Variants in DMD observed in about 807,000 individuals in gnomAD.
The protein encoded by DMD is mutant dystrophin.
A neutral mutation model predicts 330.1 loss-of-function variants in DMD; 63 were observed. The ratio of observed to expected loss-of-function variants is 0.19; its 90% CI spans 0.16 to 0.24. The LOEUF is 0.24. Ranked by LOEUF, DMD falls within the 10% of genes least tolerant of loss-of-function variation. The pLI, the probability that DMD is intolerant of heterozygous loss-of-function variation, is 1.00. For synonymous variants in DMD, 1,223 were observed against 959.8 expected, an observed-to-expected ratio of 1.27 and a Z score of -5.07; for missense variants, 3,344 against 2,684.1, an observed-to-expected ratio of 1.25 and a Z score of -5.43.
chrX:33,100,112 C>T (rs2095222330), intron 1 of DMD, among the ~76,000 whole-genome samples: 1 of 111,589 alleles, frequency 9.0e-6, no homozygotes, highest in Non-Finnish European at 1.9e-5. Flanking sequence ...GAGATGCTGG[C>T]CCAATCCAAA....
intron 53 of DMD, among the ~76,000 whole-genome samples, chrX:31,661,352 A>G (rs2081113120): frequency 9.3e-6 from 1 of 107,079 alleles, no homozygotes; most frequent in African/African-American, 3.7e-5. Flanking sequence ...AGGTTCTCAA[A>G]GGTAGCCTTT....
At chrX:32,410,771 T>TA (rs2098138404) in intron 30 of DMD, among the ~76,000 whole-genome samples, 1 of 112,300 alleles carries the variant, frequency 8.9e-6, no homozygotes, top group Non-Finnish European at 1.9e-5. Context: ...AAATGTTAAT[T>TA]AAAAAATGAG....
At chrX:31,732,637 T>C (rs933832245) in intron 51 of DMD, among the ~76,000 whole-genome samples, 7 of 111,019 alleles carry the variant, frequency 6.3e-5, no homozygotes, top group Non-Finnish European at 9.5e-5. Flanking sequence ...CACCCACAGA[T>C]GAGAAAACAC....
intron 63 of DMD, among the ~76,000 whole-genome samples, chrX:31,234,602 G>A (rs1010574270): frequency 9.0e-6 from 1 of 111,684 alleles, no homozygotes; most frequent in East Asian, 2.8e-4. Context: ...AAGCCCAGGG[G>A]TTAAAGATTC....
intron 1 of DMD, among the ~76,000 whole-genome samples, chrX:33,257,788 T>C (rs754706312): frequency 9.0e-6 from 1 of 110,648 alleles, no homozygotes; most frequent in South Asian, 3.7e-4. Flanking sequence ...GTCAATTCAC[T>C]ATTAGAGGAA....
intron 44 of DMD, among the ~76,000 whole-genome samples, chrX:32,048,408 A>C (rs1417106572): frequency 9.4e-6 from 1 of 106,615 alleles, no homozygotes; most frequent in Non-Finnish European, 1.9e-5. Flanking sequence ...CATCATATCA[A>C]CCAGTCTCTT....
intron 2 of DMD, among the ~76,000 whole-genome samples, chrX:32,931,627 A>G (rs1233003838): frequency 9.0e-6 from 1 of 111,360 alleles, no homozygotes; most frequent in Admixed American, 9.6e-5. Context: ...ATAGTCACAC[A>G]CATATACTCA....
intron 2 of DMD, among the ~76,000 whole-genome samples, chrX:32,975,422 A>G (rs1336606040): frequency 9.6e-6 from 1 of 103,774 alleles, no homozygotes; most frequent in Non-Finnish European, 2.0e-5. Flanking sequence ...TTGGAAATCA[A>G]CTGCATGAGG....
chrX:32,753,028 A>G (rs1187613033), intron 7 of DMD, among the ~76,000 whole-genome samples: 1 of 111,005 alleles, frequency 9.0e-6, no homozygotes, highest in African/African-American at 3.3e-5. Flanking sequence ...GGACTAATAC[A>G]CAAGCACTGA....
chrX:33,036,822 T>TATATAC (rs1557225468), intron 1 of DMD, among the ~76,000 whole-genome samples: 1 of 105,736 alleles, frequency 9.5e-6, no homozygotes, highest in African/African-American at 3.4e-5. Flanking sequence ...TATATATATA[T>TATATAC]ACATACATAT....
intron 61 of DMD, among the ~76,000 whole-genome samples, chrX:31,345,455 G>A (rs1380873893): frequency 1.8e-5 from 2 of 112,043 alleles, no homozygotes; most frequent in African/African-American, 6.5e-5. Flanking sequence ...GGTTAAATGA[G>A]TATATCATTT....
intron 47 of DMD, among the ~76,000 whole-genome samples, chrX:31,878,340 G>A (rs772800856): frequency 9.0e-6 from 1 of 111,647 alleles, no homozygotes; most frequent in African/African-American, 3.3e-5. Context: ...GGTCAAACAA[G>A]CTCTGTTCCT....
At chrX:32,184,697 G>T (rs763599697) in intron 44 of DMD, among the ~76,000 whole-genome samples, 123 of 110,962 alleles carry the variant, frequency 1.1e-3, no homozygotes, top group Non-Finnish European at 1.7e-3. Context: ...AGTCATTCAT[G>T]CTTCTTTTGT....
At chrX:32,972,911 A>T (rs1666968881) in intron 2 of DMD, among the ~76,000 whole-genome samples, 1 of 112,016 alleles carries the variant, frequency 8.9e-6, no homozygotes, top group Non-Finnish European at 1.9e-5. Flanking sequence ...TGCCTATTTT[A>T]TATACCATAC....
intron 60 of DMD, among the ~76,000 whole-genome samples, chrX:31,440,477 T>A (rs1280008858): frequency 8.9e-6 from 1 of 111,817 alleles, no homozygotes; most frequent in Non-Finnish European, 1.9e-5. Flanking sequence ...CCAAACGTAA[T>A]AGGATTTTGA....
intron 5 of DMD, 45 bp from the exon 6 acceptor site, chrX:32,816,685 C>A (rs1347017313): frequency 8.6e-7 from 1 of 1,157,822 alleles, no homozygotes; most frequent in South Asian, 1.8e-5. Flanking sequence ...ATTCCTTGAG[C>A]AAGAACCATG....
chrX:31,206,436 C>G, intron 66 of DMD, 146 bp downstream of exon 66: 3 of 540,038 alleles, frequency 5.6e-6, no homozygotes, highest in Non-Finnish European at 9.3e-6. Flanking sequence ...ATGGCACAAA[C>G]CAAATTTTAT....
chrX:33,250,445 C>T (rs922838122), intron 1 of DMD, among the ~76,000 whole-genome samples: 4 of 110,573 alleles, frequency 3.6e-5, no homozygotes, highest in South Asian at 3.8e-4. Flanking sequence ...TCACCTTCTG[C>T]TCACCTCCTG....
At chrX:32,402,524 T>C (rs1164411654) in intron 30 of DMD, among the ~76,000 whole-genome samples, 1 of 111,394 alleles carries the variant, frequency 9.0e-6, no homozygotes, top group Non-Finnish European at 1.9e-5. Flanking sequence ...ATTCATCTAG[T>C]GTTTTCAAAT....
Sources: gnomAD v4.1 joint callset for allele counts (sites outside exome capture counted in the v4.1 genomes callset) on GRCh38, gnomAD v4.1.1 for gene constraint, MANE v1.5 for transcripts, NCBI Gene and HGNC (gene_info 2026-07-23, HGNC 2026-07-21) for gene names.